PPID: variants seen among roughly 807,000 people sequenced by gnomAD.
PPID encodes peptidylprolyl isomerase D.
Under a neutral mutation model 48.1 loss-of-function variants are expected in PPID, and 47 were observed. The ratio of observed to expected loss-of-function variants is 0.98; its 90% confidence interval spans 0.77 to 1.25. PPID has a LOEUF of 1.25. Among genes scored for constraint, PPID ranks in the 50% most tolerant of loss-of-function variants. The probability of loss-of-function intolerance (pLI) is 0.00; values close to 1 mark genes in which losing one functional copy is unlikely to be tolerated. For missense variants in PPID, 429 were observed against 443.5 expected (o/e 0.97, Z 0.29); for synonymous variants, 163 against 148.8 (o/e 1.10, Z -0.69).
At chr4:158,718,221 G>A (rs529703504) in intron 3 of PPID, among the ~76,000 whole-genome samples, 5 of 152,104 alleles carry the variant, frequency 3.3e-5, no homozygotes, top group Admixed American at 6.6e-5. Flanking sequence ...TTTCCTCACC[G>A]ACGTCCCTTT....
chr4:158,711,996 A>G (rs17843946), intron 7 of PPID, among the ~76,000 whole-genome samples: 28 of 152,100 alleles, frequency 1.8e-4, no homozygotes, highest in African/African-American at 6.8e-4. Context: ...TTCTTTTGAT[A>G]AGTTTTTTCC....
chr4:158,719,763 TG>T (rs1488188096), intron 2 of PPID, among the ~76,000 whole-genome samples: 2 of 152,362 alleles, frequency 1.3e-5, no homozygotes, highest in African/African-American at 4.8e-5. Flanking sequence ...CCAGTAGATT[TG>T]TTCTACCCTA....
chr4:158,723,361 G>A lies in PPID; in HGVS notation c.-73C>T, dbSNP rs575750467. 1.1e-5 allele frequency: 16 copies of A among 1,448,876 alleles called. No individual in the cohort carries two copies. The highest frequency in any genetic ancestry group is 9.4e-5 in the East Asian group (4 of 42,552). The allele number at this position is 1,448,876 out of a possible 1,614,324, so 89.8% of individuals were successfully genotyped here. A position where few individuals can be genotyped will look rare whatever the true frequency, so the allele number is the denominator to read the frequency against. On this transcript the variant is annotated 5_prime_UTR_variant, in exon 1 of 10. Transcript: ENST00000307720. Reference sequence around the variant, plus strand: ...CCGCCCGGGCCGCCCAAACTCCAGAGTCCGTCTCCGCCGGAGACCGGCAGC... The same window carrying A: ...CCGCCCGGGCCGCCCAAACTCCAGAATCCGTCTCCGCCGGAGACCGGCAGC...
At position 158,722,738 on chromosome 4, in the gene PPID, G is replaced by A. The variant is rs545435673; in HGVS notation, c.85+466C>T. Reference sequence around the variant, plus strand: ...CTCTAAATTAAGAATCAGTAATAAGGCAAAAGCAATGAGCAAACAAGTCCC... The same window carrying A: ...CTCTAAATTAAGAATCAGTAATAAGACAAAAGCAATGAGCAAACAAGTCCC... On this transcript the variant is annotated intron_variant, in intron 1 of 9. Transcript: ENST00000307720. Among the ~76,000 whole-genome samples, 7 of 152,300 alleles carry A rather than the reference G, an allele frequency of 4.6e-5. No homozygotes were observed. In the East Asian group the frequency reaches 1.2e-3, roughly 25 times the overall value.
rs374566006 is a variant in PPID, at chr4:158,715,962, G to A, written c.523-278C>T. The stretch of plus-strand genomic sequence containing the variant: ...GGCATTAGGTGGGGCATGAGCTTCC[G>A]GTTTACTACTATTCTTGTCATACAC... On this transcript the variant is annotated intron_variant, in intron 4 of 9. Coordinates refer to ENST00000307720, the MANE Select transcript of PPID (RefSeq NM_005038.3). Among the ~76,000 whole-genome samples the A allele has an allele frequency of 2.6e-5, 4 of 152,258 alleles. No individual in the cohort carries two copies. The East Asian group carries it at 5.8e-4, about 22-fold the overall frequency.
chr4:158,714,621 C>G (rs1228993724), intron 6 of PPID, among the ~76,000 whole-genome samples: 1 of 149,644 alleles, frequency 6.7e-6, no homozygotes, highest in African/African-American at 2.5e-5. Flanking sequence ...GACAGAATCT[C>G]ACTCTGTCGC....
chr4:158,722,389 C>T (rs1774977201), intron 1 of PPID, among the ~76,000 whole-genome samples: 1 of 152,220 alleles, frequency 6.6e-6, no homozygotes, highest in Admixed American at 6.5e-5. Context: ...CCTCATGCAA[C>T]CTCTGAAGCA....
Position 158,717,107 on chromosome 4 carries a change from C to T in PPID, c.427G>A (p.Asp143Asn). Residue 143 changes from aspartate to asparagine, a missense_variant, in exon 4 of 10, where the codon GAT becomes AAT. Transcript: ENST00000307720. ...FITTVPTPHL[D>N]GKHVVFGQVI... Reference sequence around the variant, plus strand: ...TGGCCAAACACCACATGTTTCCCATCCAAATGAGGAGTTGGAACTGTTGTG... The same window carrying T: ...TGGCCAAACACCACATGTTTCCCATTCAAATGAGGAGTTGGAACTGTTGTG... The T allele has an allele frequency of 1.9e-6, 3 of 1,614,088 alleles. No individual in the cohort carries two copies. Among genetic ancestry groups the T allele is most frequent in the Non-Finnish European group, 2.5e-6 (3 of 1,179,918 alleles).
chr4:158,710,590 A>AT, intron 9 of PPID, 38 bp downstream of exon 9: 1 of 1,593,562 alleles, frequency 6.3e-7, no homozygotes, highest in Non-Finnish European at 8.6e-7. Context: ...GTATTTAAAT[A>AT]ACAAAATTAA....
chr4:158,720,761 A>C (rs1194293662), intron 2 of PPID, among the ~76,000 whole-genome samples: 3 of 152,000 alleles, frequency 2.0e-5, no homozygotes, highest in South Asian at 2.1e-4. Context: ...GTCGCCCAGG[A>C]TGGAGTGCAG....
At chr4:158,714,174 A>G (rs1406428880) in intron 6 of PPID, among the ~76,000 whole-genome samples, 4 of 152,228 alleles carry the variant, frequency 2.6e-5, no homozygotes, top group Non-Finnish European at 5.9e-5. Flanking sequence ...TGGATTTTCA[A>G]TGATGCTAAG....
chr4:158,721,553 A>G, intron 1 of PPID, 70 bp from the exon 2 acceptor site: 1 of 1,531,026 alleles, frequency 6.5e-7, no homozygotes, highest in Non-Finnish European at 8.9e-7. Context: ...GAAGGTTGGT[A>G]TAATTATGGT....
intron 6 of PPID, among the ~76,000 whole-genome samples, chr4:158,714,478 A>G (rs1774837748): frequency 6.6e-6 from 1 of 152,204 alleles, no homozygotes; most frequent in African/African-American, 2.4e-5. Context: ...ATAAAAAACC[A>G]GGGGAGGTAG....
In PPID at chr4:158,710,090, AGTAATAAGAGACCAAAGACATTTT is replaced by A; in HGVS notation, c.1025-290_1025-267del. 6.6e-6 allele frequency: 3 copies of A among 455,648 alleles called. No individual in the cohort carries two copies. The South Asian group carries it at 8.5e-5, about 13-fold the overall frequency. 28.2% of individuals were successfully genotyped at this position (455,648 alleles called of 1,614,324 possible). On this transcript the variant is annotated intron_variant, in intron 9 of 9. Transcript: ENST00000307720. ...GTAATTGCTTCCCTTGTTTCATTTT[AGTAATAAGAGACCAAAGACATTTT>A]GTAATACCCAGATCTAGTGTCACTA...
chr4:158,720,542 G>A (rs1774940156), intron 2 of PPID, among the ~76,000 whole-genome samples: 1 of 152,018 alleles, frequency 6.6e-6, no homozygotes, highest in South Asian at 2.1e-4. Context: ...CAGTCTATTG[G>A]GAGAACCATT....
rs17843897 is a variant in PPID, at chr4:158,720,824, A to C, written c.226+519T>G. On this transcript the variant is annotated intron_variant, in intron 2 of 9. Coordinates refer to ENST00000307720, the MANE Select transcript of PPID (RefSeq NM_005038.3). ...CCACCTTCTGAGTTCATGCCATTCT[A>C]CTGCCTCAGCCTCCCGAGTAGCTGG... Among the ~76,000 whole-genome samples the C allele has an allele frequency of 3.9e-3, 588 of 152,074 alleles. 4 individuals are homozygous for C. Among genetic ancestry groups the C allele is most frequent in the African/African-American group, 0.013 (546 of 41,452 alleles).
At chr4:158,710,945 T>C (rs1289669030) in intron 7 of PPID, 97 bp from the exon 8 acceptor site, 5 of 1,102,228 alleles carry the variant, frequency 4.5e-6, no homozygotes, top group Non-Finnish European at 6.7e-6. Flanking sequence ...CATCCTTCAC[T>C]GCTCTGTGAA....
At chr4:158,715,788 T>G in intron 4 of PPID, 104 bp from the exon 5 acceptor site, 1 of 1,297,914 alleles carries the variant, frequency 7.7e-7, no homozygotes, top group Non-Finnish European at 1.1e-6. Flanking sequence ...CACAGATTTA[T>G]GTGAGAAGGC....
rs761191806 is a variant in PPID at position 158,719,192 on chromosome 4, A to G, written c.321T>C (p.Asn107=). The G allele has an allele frequency of 3.8e-6, 6 of 1,588,172 alleles. No homozygotes were observed. Among genetic ancestry groups the G allele is most frequent in the South Asian group, 1.1e-5 (1 of 90,358 alleles). The part of the protein sequence containing the change: ...SIYGEKFEDE[N]FHYKHDREGL... ...TTCTCTACTTTACCTTGTAATGGAA[A>G]TTTTCATCTTCAAATTTTTCACCAT... Residue 107 remains asparagine, a synonymous_variant, in exon 3 of 10, where the codon AAT becomes AAC. Coordinates refer to ENST00000307720, the MANE Select transcript of PPID (RefSeq NM_005038.3).
Sources: gnomAD v4.1 joint callset for allele counts (sites outside exome capture counted in the v4.1 genomes callset) on GRCh38, gnomAD v4.1.1 for gene constraint, MANE v1.5 for transcripts, NCBI Gene and HGNC (gene_info 2026-07-23, HGNC 2026-07-21) for gene names.